The following ORAI2 variants were observed in gnomAD, a reference collection of about 807,000 sequenced individuals.
ORAI2 encodes the protein protein orai-2.
A neutral mutation model predicts 16.2 loss-of-function variants in ORAI2; 10 were observed. That is an observed-to-expected ratio of 0.62 (90% CI 0.38 to 1.04). The LOEUF (loss-of-function observed/expected upper bound fraction) is 1.04. ORAI2 is among the 50% of genes least tolerant of loss of function. The pLI, the probability that ORAI2 is intolerant of heterozygous loss-of-function variation, is 0.01. For synonymous variants in ORAI2, 150 were observed against 157.5 expected, an observed-to-expected ratio of 0.95 and a Z score of 0.35; for missense variants, 238 against 355.5, an observed-to-expected ratio of 0.67 and a Z score of 2.66.
intron 3 of ORAI2, among the ~76,000 whole-genome samples, chr7:102,445,551 A>G (rs1797327920): frequency 6.6e-6 from 1 of 152,092 alleles, no homozygotes; most frequent in Admixed American, 6.6e-5. Flanking sequence ...CCCGGGTTCA[A>G]GCGATCCTCC....
chr7:102,441,703 G>A (rs1563635756), intron 3 of ORAI2, among the ~76,000 whole-genome samples: 1 of 151,542 alleles, frequency 6.6e-6, no homozygotes, highest in Non-Finnish European at 1.5e-5. Flanking sequence ...TTTGACCTGC[G>A]GTTGGTTGAA....
chr7:102,445,301 T>G (rs1007828652), intron 3 of ORAI2, among the ~76,000 whole-genome samples: 2 of 151,802 alleles, frequency 1.3e-5, no homozygotes, highest in African/African-American at 4.8e-5. Flanking sequence ...TTTTTTGTTT[T>G]TTTTTTTTGT....
Position 102,453,598 on chromosome 7 carries a change from G to A in ORAI2, c.*6546G>A, listed in dbSNP as rs1797578667. ...GAGCCCCAGGCCAGCAAGCCCACAAGCCTCGAGAAAGACTGCACTTCCGGT... is the reference window on the plus strand; with the variant it reads ...GAGCCCCAGGCCAGCAAGCCCACAAACCTCGAGAAAGACTGCACTTCCGGT... On this transcript the variant is annotated 3_prime_UTR_variant, in exon 4 of 4. Coordinates refer to ENST00000495936, the MANE Select transcript of ORAI2 (RefSeq NM_001126340.3). 6.6e-6 allele frequency: 1 copy of A among 152,244 alleles called. No individual in the cohort carries two copies. Among genetic ancestry groups the A allele is most frequent in the South Asian group, 2.1e-4 (1 of 4,836 alleles). 9.4% of individuals were successfully genotyped at this position (152,244 alleles called of 1,614,324 possible).
rs1797416284 is a variant in ORAI2 at position 102,447,959 on chromosome 7, C to T, written c.*907C>T. On this transcript the variant is annotated 3_prime_UTR_variant, in exon 4 of 4. Transcript: ENST00000495936. Reference sequence around the variant, plus strand: ...GCCTCTAAGGCTGACTCAGCCACTCCCTTGGGCTGTGGCAGCAGGAGGCGG... The same window carrying T: ...GCCTCTAAGGCTGACTCAGCCACTCTCTTGGGCTGTGGCAGCAGGAGGCGG... The T allele has an allele frequency of 6.6e-6, 1 of 152,354 alleles. No individual in the cohort carries two copies. Among genetic ancestry groups the T allele is most frequent in the Non-Finnish European group, 1.5e-5 (1 of 68,134 alleles). 9.4% of individuals were successfully genotyped at this position (152,354 alleles called of 1,614,324 possible).
chr7:102,443,132 T>C (rs1347992489), intron 3 of ORAI2, among the ~76,000 whole-genome samples: 2 of 55,820 alleles, frequency 3.6e-5, no homozygotes, highest in Non-Finnish European at 7.5e-5. Context: ...CTTCTTCTTC[T>C]TTTTTTTTTT....
At position 102,450,883 on chromosome 7, in the gene ORAI2, C is replaced by T. The variant is rs1401105942; in HGVS notation, c.*3831C>T. On this transcript the variant is annotated 3_prime_UTR_variant, in exon 4 of 4. Transcript: ENST00000495936. ...GAAATTCGGTTTCTGGAGGTTTAGC[C>T]TGATTTTGAAGAGTATTTAAGAACA... 1 of 152,132 alleles carries T rather than the reference C, an allele frequency of 6.6e-6. No individual in the cohort carries two copies. Among genetic ancestry groups the T allele is most frequent in the Non-Finnish European group, 1.5e-5 (1 of 68,036 alleles). 9.4% of individuals were successfully genotyped at this position (152,132 alleles called of 1,614,324 possible).
intron 2 of ORAI2, among the ~76,000 whole-genome samples, chr7:102,438,374 C>G (rs1797112712): frequency 6.6e-6 from 1 of 151,976 alleles, no homozygotes; most frequent in Non-Finnish European, 1.5e-5. Flanking sequence ...AATAAAAAGT[C>G]CTACAGGTGG....
chr7:102,443,729 T>C (rs1197755866), intron 3 of ORAI2, among the ~76,000 whole-genome samples: 2 of 151,836 alleles, frequency 1.3e-5, no homozygotes, highest in East Asian at 1.9e-4. Context: ...TTTTTTGAGA[T>C]GTAGTCTCGC....
intron 3 of ORAI2, among the ~76,000 whole-genome samples, chr7:102,446,073 C>G (rs1364905282): frequency 6.6e-6 from 1 of 152,022 alleles, no homozygotes; most frequent in Non-Finnish European, 1.5e-5. Context: ...CTCAGCCTCC[C>G]GAGTAGCTGG....
chr7:102,447,161 G>T lies in ORAI2; in HGVS notation c.*109G>T. On this transcript the variant is annotated 3_prime_UTR_variant, in exon 4 of 4. Transcript: ENST00000495936. ...GGCTGCCGGGTAGTTCAAGACCAAA[G>T]TTTTCCTCTTGTCTTAATACCATAA... is the stretch of plus-strand genomic sequence containing the variant. 8.2e-7 allele frequency: 1 copy of T among 1,223,784 alleles called. No homozygotes were observed. The highest frequency in any genetic ancestry group is 2.5e-5 in the East Asian group (1 of 39,238). 75.8% of individuals were successfully genotyped at this position (1,223,784 alleles called of 1,614,324 possible).
At position 102,447,011 on chromosome 7, in the gene ORAI2, G is replaced by A. The variant is rs1286677677; in HGVS notation, c.724G>A (p.Val242Ile). 1 of 1,572,990 alleles carries A rather than the reference G, an allele frequency of 6.4e-7. No homozygotes were observed. Among genetic ancestry groups the A allele is most frequent in the Non-Finnish European group, 8.6e-7 (1 of 1,162,682 alleles). Residue 242 changes from valine (V) to isoleucine (I), a missense_variant, in exon 4 of 4, where the codon GTC (valine) becomes ATC (isoleucine). This residue lies in a region of ORAI2 where 176 missense variants were observed against 265.9 expected (regional missense o/e 0.66). Transcript: ENST00000495936. Reference sequence around the variant, plus strand: ...GATCGAGGAGCTCCACAAGCTCAAGGTCCAGCTGGACGGGCATGAGCGCAG... The same window carrying A: ...GATCGAGGAGCTCCACAAGCTCAAGATCCAGCTGGACGGGCATGAGCGCAG... The part of the protein sequence containing the change: ...REIEELHKLK[V>I]QLDGHERSLQ...
At chr7:102,446,429 C>T in intron 3 of ORAI2, 84 bp from the exon 4 acceptor site, 1 of 1,417,662 alleles carries the variant, frequency 7.1e-7, no homozygotes, top group South Asian at 1.4e-5. Flanking sequence ...CTGGCCCAGC[C>T]CCTGCTCTGC....
At chr7:102,441,241 C>A (rs1387081407) in intron 3 of ORAI2, among the ~76,000 whole-genome samples, 3 of 149,456 alleles carry the variant, frequency 2.0e-5, no homozygotes, top group Non-Finnish European at 4.5e-5. Flanking sequence ...ATTGATGGTG[C>A]AATTTAAAAG....
intron 3 of ORAI2, among the ~76,000 whole-genome samples, chr7:102,441,808 T>C (rs1797211890): frequency 6.6e-6 from 1 of 152,178 alleles, no homozygotes; most frequent in African/African-American, 2.4e-5. Flanking sequence ...GGAGCCGCAG[T>C]GCACCTGCTT....
intron 3 of ORAI2, among the ~76,000 whole-genome samples, chr7:102,445,889 CTTTCTCTCTT>C (rs1563638144): frequency 1.8e-5 from 2 of 111,562 alleles, no homozygotes; most frequent in African/African-American, 5.9e-5. Context: ...CTCTCTCTTT[CTTTCTCTCTT>C]TCTCTTTCTC....
chr7:102,438,476 A>C (rs1320866999), intron 2 of ORAI2, among the ~76,000 whole-genome samples: 2 of 152,030 alleles, frequency 1.3e-5, no homozygotes, highest in Non-Finnish European at 2.9e-5. Context: ...CAGGTTTCAT[A>C]ACTTTAGGTC....
intron 3 of ORAI2, among the ~76,000 whole-genome samples, chr7:102,442,132 T>C (rs1267658402): frequency 6.6e-6 from 1 of 151,032 alleles, no homozygotes; most frequent in African/African-American, 2.5e-5. Context: ...AACCTCTGCA[T>C]AGGCCAGGCG....
intron 2 of ORAI2, among the ~76,000 whole-genome samples, chr7:102,436,980 G>T (rs964130481): frequency 1.3e-5 from 2 of 152,208 alleles, no homozygotes; most frequent in Non-Finnish European, 2.9e-5. Flanking sequence ...TGCCCTTGAA[G>T]CACGCCCTGC....
intron 3 of ORAI2, among the ~76,000 whole-genome samples, chr7:102,441,445 C>T (rs1027239280): frequency 6.7e-6 from 1 of 149,416 alleles, no homozygotes; most frequent in Non-Finnish European, 1.5e-5. Flanking sequence ...GAGGCTGAGA[C>T]GGAGAATTGC....
Sources: allele counts gnomAD v4.1 joint callset (sites outside exome capture counted in the v4.1 genomes callset), GRCh38; gene constraint gnomAD v4.1.1; regional missense constraint gnomAD v4.1.1; transcripts MANE v1.5; gene names NCBI Gene and HGNC (gene_info 2026-07-23, HGNC 2026-07-21).